LONRF3: variants seen among roughly 807,000 people sequenced by gnomAD.
LONRF3 encodes LON peptidase N-terminal domain and RING finger protein 3.
A neutral mutation model predicts 51.7 loss-of-function variants in LONRF3; 19 were observed. The observed-to-expected ratio is 0.37, with a 90% CI of 0.26 to 0.54. LONRF3 has a LOEUF of 0.54. Ranked by LOEUF, LONRF3 falls within the 20% of genes least tolerant of loss-of-function variation. LONRF3 has a pLI of 0.86. For missense variants in LONRF3, 521 were observed against 623.9 expected (o/e 0.84, Z 1.76); for synonymous variants, 265 against 257.8 (o/e 1.03, Z -0.27).
At chrX:118,994,742 A>G (rs1479158516) in intron 5 of LONRF3, among the ~76,000 whole-genome samples, 2 of 112,072 alleles carry the variant, frequency 1.8e-5, no homozygotes, top group Non-Finnish European at 3.8e-5. Flanking sequence ...AGAGACAAAG[A>G]GGGACAGTAT....
intron 10 of LONRF3, among the ~76,000 whole-genome samples, chrX:119,015,291 C>G (rs1428498276): frequency 8.9e-6 from 1 of 111,992 alleles, no homozygotes; most frequent in African/African-American, 3.2e-5. Flanking sequence ...TCTGGTCCTG[C>G]TTACCTCACT....
chrX:118,975,330 C>T lies in LONRF3; in HGVS notation c.550C>T (p.Arg184Cys), dbSNP rs150906004. The change falls in exon 1 of 11, where the codon CGT becomes TGT. Residue 184 changes from arginine to cysteine, a missense_variant. Physicochemically the swap from Arg to Cys is radical, Grantham distance 180 (BLOSUM62 -3). Coordinates refer to ENST00000371628, the MANE Select transcript of LONRF3 (RefSeq NM_001031855.3). ...GHTFCKLCLE[R>C]GRAADRRCAL... Reference sequence around the variant, plus strand: ...CACCTTTTGTAAACTGTGCCTGGAACGTGGGCGGGCCGCCGACCGGCGCTG... The same window carrying T: ...CACCTTTTGTAAACTGTGCCTGGAATGTGGGCGGGCCGCCGACCGGCGCTG... 5.0e-6 allele frequency: 6 copies of T among 1,208,913 alleles called. No individual in the cohort carries two copies. Among genetic ancestry groups the T allele is most frequent in the Non-Finnish European group, 6.7e-6 (6 of 894,784 alleles).
intron 6 of LONRF3, among the ~76,000 whole-genome samples, chrX:119,007,539 A>G (rs1288727346): frequency 8.9e-6 from 1 of 112,573 alleles, no homozygotes; most frequent in African/African-American, 3.2e-5. Flanking sequence ...TCAGGGACTT[A>G]TCTGCCACAT....
chrX:118,981,461 G>A (rs188064308), intron 2 of LONRF3, among the ~76,000 whole-genome samples: 1 of 94,160 alleles, frequency 1.1e-5, no homozygotes, highest in Admixed American at 1.2e-4. Context: ...TCCAGCCTGG[G>A]TGACAGAGCA....
chrX:118,987,388 C>T (rs1180241840), intron 3 of LONRF3, among the ~76,000 whole-genome samples: 1 of 108,296 alleles, frequency 9.2e-6, no homozygotes, highest in Non-Finnish European at 1.9e-5. Flanking sequence ...AGAGATCCTC[C>T]CACCTCAGCC....
chrX:119,011,128 A>G (rs1325559378), intron 7 of LONRF3, among the ~76,000 whole-genome samples: 1 of 109,421 alleles, frequency 9.1e-6, no homozygotes, highest in African/African-American at 3.3e-5. Flanking sequence ...AAAAAAAAAA[A>G]AGAAAAAGAA....
intron 7 of LONRF3, among the ~76,000 whole-genome samples, chrX:119,010,696 T>G (rs1413880480): frequency 2.7e-5 from 3 of 111,307 alleles, no homozygotes; most frequent in Non-Finnish European, 5.7e-5. Flanking sequence ...TTATATTTCT[T>G]GATAGGTTTA....
rs915182505 is a variant in LONRF3, at chrX:118,977,497, G to A, written c.818-848G>A. 4.5e-5 allele frequency among the ~76,000 whole-genome samples: 5 copies of A among 112,306 alleles called. No individual in the cohort carries two copies. The South Asian group carries it at 1.1e-3, about 25-fold the overall frequency. On this transcript the variant is annotated intron_variant, in intron 1 of 10. Transcript: ENST00000371628. ...GTTCTGGAAGATGGCCATTGTGTCC[G>A]TATTATTCCAAGTACTGCACACACC... is the stretch of plus-strand genomic sequence containing the variant.
At chrX:118,996,127 T>C (rs945229605) in intron 5 of LONRF3, among the ~76,000 whole-genome samples, 2 of 112,336 alleles carry the variant, frequency 1.8e-5, no homozygotes, top group Non-Finnish European at 3.8e-5. Context: ...TGTTTAATGA[T>C]TTTTCTGCAT....
chrX:118,976,092 TGTAGCCAGCAGGAGATGTCCGGTCG>T (rs1569474414), intron 1 of LONRF3, among the ~76,000 whole-genome samples: 1 of 113,023 alleles, frequency 8.8e-6, no homozygotes, highest in Admixed American at 9.2e-5. Context: ...TCCTCTGGGC[TGTAGCCAGCAGGAGATGTCCGGTCG>T]GCGCCTGCGT....
intron 2 of LONRF3, among the ~76,000 whole-genome samples, chrX:118,979,906 C>T (rs943388995): frequency 3.6e-5 from 4 of 112,242 alleles, no homozygotes; most frequent in African/African-American, 1.3e-4. Flanking sequence ...GGCTTCAGGA[C>T]TGGCCCTCAG....
intron 5 of LONRF3, among the ~76,000 whole-genome samples, chrX:119,005,725 C>T (rs996484800): frequency 1.4e-4 from 15 of 110,528 alleles, no homozygotes; most frequent in Non-Finnish European, 2.1e-4. Flanking sequence ...AATGTGTGTG[C>T]GTGTGTGTGT....
rs758681768 is a variant in LONRF3, at chrX:119,011,989, T to A, written c.1811+16T>A. 6.6e-6 allele frequency: 8 copies of A among 1,209,592 alleles called. No individual in the cohort carries two copies. Among genetic ancestry groups the A allele is most frequent in the Admixed American group, 2.2e-5 (1 of 45,934 alleles). The stretch of plus-strand genomic sequence containing the variant: ...CTGTCAAAGGGTAAGTGAGGAGCCA[T>A]GCGAGCAAAGGGAGGTTGTGTAATG... On this transcript the variant is annotated intron_variant, in intron 8 of 10. Coordinates refer to ENST00000371628, the MANE Select transcript of LONRF3 (RefSeq NM_001031855.3).
intron 1 of LONRF3, chrX:118,977,089 A>C (rs1922138033): frequency 9.1e-6 from 1 of 110,100 alleles, no homozygotes; most frequent in Admixed American, 9.5e-5. Context: ...AGAAGAAAAA[A>C]GACAGAAAAG....
intron 5 of LONRF3, among the ~76,000 whole-genome samples, chrX:118,998,435 A>T (rs932704946): frequency 9.1e-6 from 1 of 110,015 alleles, no homozygotes; most frequent in Non-Finnish European, 1.9e-5. Context: ...TAAGAATGAT[A>T]CAATGGACTT....
Position 118,989,597 on chromosome X carries a change from C to A in LONRF3, c.1249C>A (p.Gln417Lys). ...TGCTTCCAGCAAGACTGGAAAATGC[C>A]AGGAAAAGAAAAGGAAACATTGCCA... ...KAASSKTGKC[Q>K]EKKRKHCQIE... The change falls in exon 4 of 11, where the codon CAG becomes AAG. Residue 417 changes from glutamine to lysine, a missense_variant. Physicochemically the swap from Gln to Lys is moderately conservative, Grantham distance 53. Coordinates refer to ENST00000371628, the MANE Select transcript of LONRF3 (RefSeq NM_001031855.3). 1 of 1,210,736 alleles carries A rather than the reference C, an allele frequency of 8.3e-7. No homozygotes were observed. The highest frequency in any genetic ancestry group is 1.1e-6 in the Non-Finnish European group (1 of 895,045).
Position 119,006,171 on chromosome X carries a change from A to G in LONRF3, c.1466A>G (p.Lys489Arg), listed in dbSNP as rs368038773. ...TTPCGHTFCL[K>R]CLERCLDHNA... is the part of the protein sequence containing the mutation. ...CCTTGCGGGCATACTTTTTGCTTAA[A>G]ATGCCTAGAAAGATGCCTAGATCAC... Residue 489 changes from lysine to arginine, a missense_variant, in exon 6 of 11, where the codon AAA (lysine) becomes AGA (arginine). By Grantham distance (26) the Lys-to-Arg change is conservative. This residue lies in a region of LONRF3 where 145 missense variants were observed against 247.2 expected (regional missense o/e 0.59). Coordinates refer to ENST00000371628, the MANE Select transcript of LONRF3 (RefSeq NM_001031855.3). The G allele has an allele frequency of 8.3e-7, 1 of 1,198,746 alleles. No individual in the cohort carries two copies. The highest frequency in any genetic ancestry group is 1.8e-5 in the African/African-American group (1 of 56,970).
chrX:118,991,777 A>G (rs1024748744), intron 5 of LONRF3, among the ~76,000 whole-genome samples: 1 of 111,870 alleles, frequency 8.9e-6, no homozygotes, highest in Non-Finnish European at 1.9e-5. Context: ...TACCTACTCC[A>G]TAGGGTTGTC....
intron 2 of LONRF3, 144 bp downstream of exon 2, chrX:118,978,607 TG>T (rs773635261): frequency 3.8e-5 from 16 of 422,301 alleles, no homozygotes; most frequent in African/African-American, 3.2e-4. Flanking sequence ...TAAAGATCCC[TG>T]GGCAAAGAGT....
Sources: gnomAD v4.1 joint callset for allele counts (sites outside exome capture counted in the v4.1 genomes callset) on GRCh38, gnomAD v4.1.1 for gene constraint, gnomAD v4.1.1 regional missense constraint, MANE v1.5 for transcripts, NCBI Gene and HGNC (gene_info 2026-07-23, HGNC 2026-07-21) for gene names.